Variants in PCDH15 observed in about 807,000 individuals in gnomAD.
PCDH15 encodes protocadherin related 15.
A neutral mutation model predicts 178.5 loss-of-function variants in PCDH15; 129 were observed. The ratio of observed to expected loss-of-function variants is 0.72; its 90% CI spans 0.63 to 0.84. The LOEUF is 0.84. Ranked by LOEUF, PCDH15 falls within the 40% of genes least tolerant of loss-of-function variation. The pLI is 0.00. For synonymous variants in PCDH15, 800 were observed against 732.0 expected (o/e 1.09, Z -1.50); for missense variants, 2,230 against 2,099.9 (o/e 1.06, Z -1.21).
At chr10:54,979,742 T>A (rs901928205) in intron 2 of PCDH15, among the ~76,000 whole-genome samples, 2 of 151,332 alleles carry the variant, frequency 1.3e-5, no homozygotes, top group African/African-American at 4.9e-5. Context: ...GATACATATA[T>A]ACAATGAAAT....
chr10:54,333,564 T>A (rs1489810113), intron 6 of PCDH15, among the ~76,000 whole-genome samples: 15 of 143,820 alleles, frequency 1.0e-4, no homozygotes, highest in African/African-American at 1.3e-4. Flanking sequence ...CTAAAAAGTT[T>A]AAAAAAAAAA....
At chr10:53,807,218 C>G in intron 37 of PCDH15, 88 bp from the exon 38 acceptor site, 1 of 1,102,914 alleles carries the variant, frequency 9.1e-7, no homozygotes, top group Non-Finnish European at 1.3e-6. Context: ...AAAACAATGA[C>G]ATTTAGAAAG....
chr10:55,092,381 TC>T (rs1406958183), intron 2 of PCDH15, among the ~76,000 whole-genome samples: 1 of 151,874 alleles, frequency 6.6e-6, no homozygotes, highest in Non-Finnish European at 1.5e-5. Context: ...TTGTGAGACT[TC>T]ACTTATCTTT....
At chr10:54,713,226 T>TAC (rs137922396) in intron 1 of PCDH15, among the ~76,000 whole-genome samples, 2 of 151,396 alleles carry the variant, frequency 1.3e-5, no homozygotes, top group Non-Finnish European at 1.5e-5. Context: ...CACACACACA[T>TAC]ACACACACAC....
At chr10:54,859,539 T>A in intron 3 of PCDH15, among the ~76,000 whole-genome samples, 1 of 152,000 alleles carries the variant, frequency 6.6e-6, no homozygotes, top group Non-Finnish European at 1.5e-5. Context: ...AACTCCAGAG[T>A]ACTGCTTTAT....
intron 1 of PCDH15, among the ~76,000 whole-genome samples, chr10:54,732,467 A>C (rs1943544914): frequency 6.6e-6 from 1 of 151,694 alleles, no homozygotes; most frequent in African/African-American, 2.4e-5. Context: ...TTTCCTTGAA[A>C]GACACAAGAC....
intron 20 of PCDH15, among the ~76,000 whole-genome samples, chr10:54,010,787 C>T (rs912547600): frequency 1.3e-5 from 2 of 152,086 alleles, no homozygotes; most frequent in African/African-American, 4.8e-5. Flanking sequence ...TTCCCGTGAG[C>T]CCCCACCTCT....
Position 55,057,414 on chromosome 10 carries a change from T to C in PCDH15, c.-80+109162A>G, listed in dbSNP as rs146614205. Among the ~76,000 whole-genome samples, 819 of 152,298 alleles carry C rather than the reference T, an allele frequency of 5.4e-3. 8 individuals carry two copies. Among genetic ancestry groups the C allele is most frequent in the African/African-American group, 0.014 (578 of 41,548 alleles). On this transcript the variant is annotated intron_variant, in intron 2 of 5. Transcript: ENST00000458638. ...AATTTGAATTTTGTCATTATTTTAT[T>C]TCCATTTTTCAAGTTATTAATAAGG...
intron 31 of PCDH15, 130 bp downstream of exon 31, chr10:53,828,435 A>C: frequency 2.6e-6 from 2 of 776,010 alleles, no homozygotes; most frequent in Non-Finnish European, 4.4e-6. Flanking sequence ...CAAACCAAGA[A>C]ATAAACTATT....
intron 2 of PCDH15, among the ~76,000 whole-genome samples, chr10:55,144,971 GA>G (rs1838464420): frequency 6.6e-6 from 1 of 151,498 alleles, no homozygotes; most frequent in Non-Finnish European, 1.5e-5. Context: ...GAAGAAAAAA[GA>G]AAAAAAGAAA....
intron 2 of PCDH15, among the ~76,000 whole-genome samples, chr10:55,012,441 A>G (rs966457451): frequency 6.6e-6 from 1 of 152,126 alleles, no homozygotes; most frequent in Non-Finnish European, 1.5e-5. Context: ...AACTGTGGCC[A>G]TATCTTTCTC....
At chr10:53,824,117 A>AACTC (rs1588948827) in intron 32 of PCDH15, among the ~76,000 whole-genome samples, 1 of 146,906 alleles carries the variant, frequency 6.8e-6, no homozygotes, top group Non-Finnish European at 1.5e-5. Context: ...TTTTACTTAA[A>AACTC]ACTCACCTTA....
chr10:54,202,042 AG>A (rs2050287905), intron 10 of PCDH15, among the ~76,000 whole-genome samples: 1 of 152,122 alleles, frequency 6.6e-6, no homozygotes, highest in Non-Finnish European at 1.5e-5. Context: ...TTATGCAAAA[AG>A]GCCTATTTAT....
At chr10:54,952,014 ATC>A (rs1345937093) in intron 2 of PCDH15, among the ~76,000 whole-genome samples, 4 of 151,734 alleles carry the variant, frequency 2.6e-5, no homozygotes, top group Non-Finnish European at 5.9e-5. Context: ...CTTTTAACGT[ATC>A]TTGCACAGTT....
chr10:55,491,890 A>G (rs2132128831), intron 2 of PCDH15, among the ~76,000 whole-genome samples: 1 of 151,674 alleles, frequency 6.6e-6, no homozygotes, highest in African/African-American at 2.4e-5. Flanking sequence ...GGCTGTGCAC[A>G]GGCACTAAGC....
chr10:53,887,212 T>C (rs2081164089), intron 26 of PCDH15, among the ~76,000 whole-genome samples: 1 of 152,150 alleles, frequency 6.6e-6, no homozygotes, highest in African/African-American at 2.4e-5. Context: ...TAATATAGTA[T>C]TTCGTCTTCC....
chr10:54,307,748 A>G, intron 8 of PCDH15, among the ~76,000 whole-genome samples: 1 of 152,046 alleles, frequency 6.6e-6, no homozygotes, highest in East Asian at 1.9e-4. Flanking sequence ...ATCCAAAATA[A>G]TACTGAATTA....
intron 1 of PCDH15, among the ~76,000 whole-genome samples, chr10:54,748,380 G>A (rs1396153426): frequency 6.6e-6 from 1 of 151,968 alleles, no homozygotes; most frequent in African/African-American, 2.4e-5. Context: ...TATTTAATGA[G>A]ACCAAGGTCC....
chr10:55,223,284 G>A (rs1346187338), intron 1 of PCDH15, among the ~76,000 whole-genome samples: 1 of 152,060 alleles, frequency 6.6e-6, no homozygotes, highest in Non-Finnish European at 1.5e-5. Context: ...CTTGGTCATA[G>A]AGCCTCCATA....
Sources: gnomAD v4.1 joint callset for allele counts (sites outside exome capture counted in the v4.1 genomes callset) on GRCh38, gnomAD v4.1.1 for gene constraint, MANE v1.5 for transcripts, NCBI Gene and HGNC (gene_info 2026-07-23, HGNC 2026-07-21) for gene names.